Variants in PLD5 observed in about 807,000 individuals in gnomAD.
PLD5 encodes inactive phospholipase D5.
In PLD5, 36 loss-of-function variants were observed where a neutral mutation model predicts 61.1. That is an observed-to-expected ratio of 0.59 (90% CI 0.45 to 0.78). The LOEUF (loss-of-function observed/expected upper bound fraction) is 0.78, where lower values mean the gene tolerates loss of function less well. Among genes scored for constraint, PLD5 ranks in the 30% least tolerant of loss-of-function variants. The pLI, the probability that PLD5 is intolerant of heterozygous loss-of-function variation, is 0.00. For synonymous variants in PLD5, 243 were observed against 242.8 expected (o/e 1.00, Z -0.01); for missense variants, 515 against 644.4 (o/e 0.80, Z 2.17).
At chr1:242,226,362 C>T (rs560135147) in intron 4 of PLD5, among the ~76,000 whole-genome samples, 2 of 152,298 alleles carry the variant, frequency 1.3e-5, no homozygotes, top group Admixed American at 1.3e-4. Context: ...GTCCAGATCT[C>T]TGCAGATCCT....
At position 242,400,616 on chromosome 1, in the gene PLD5, A is replaced by G. The variant is rs374225172; in HGVS notation, c.190-52374T>C. Among the ~76,000 whole-genome samples, 10 of 152,226 alleles carry G rather than the reference A, an allele frequency of 6.6e-5. No individual in the cohort carries two copies. In the East Asian group the frequency reaches 1.7e-3, roughly 27 times the overall value. On this transcript the variant is annotated intron_variant, in intron 1 of 9. Coordinates refer to ENST00000536534, the MANE Select transcript of PLD5 (RefSeq NM_001372062.1). ...ATCCCATACATTGAAAGCTATTATCATTACTATTTTCCAGATAAGGAGCTT... is the reference window on the plus strand; with the variant it reads ...ATCCCATACATTGAAAGCTATTATCGTTACTATTTTCCAGATAAGGAGCTT...
intron 1 of PLD5, among the ~76,000 whole-genome samples, chr1:242,372,163 C>T (rs1661673916): frequency 6.6e-6 from 1 of 151,818 alleles, no homozygotes; most frequent in Non-Finnish European, 1.5e-5. Context: ...CCTAAATTTC[C>T]CTTCTCTTCA....
At chr1:242,504,624 G>A (rs1215746816) in intron 1 of PLD5, among the ~76,000 whole-genome samples, 1 of 151,996 alleles carries the variant, frequency 6.6e-6, no homozygotes, top group African/African-American at 2.4e-5. Flanking sequence ...GTCTCCCCCA[G>A]AAGAAACTTA....
At chr1:242,213,344 G>T (rs1408239260) in intron 5 of PLD5, among the ~76,000 whole-genome samples, 1 of 152,110 alleles carries the variant, frequency 6.6e-6, no homozygotes, top group African/African-American at 2.4e-5. Flanking sequence ...TTTCCTGATT[G>T]TAAGGTTATT....
chr1:242,391,056 G>A (rs902856070), intron 1 of PLD5, among the ~76,000 whole-genome samples: 11 of 152,124 alleles, frequency 7.2e-5, no homozygotes, highest in Non-Finnish European at 1.5e-4. Context: ...TTAGCCAGGT[G>A]TGGTGGCGGG....
chr1:242,399,161 C>G (rs1663777861), intron 1 of PLD5, among the ~76,000 whole-genome samples: 1 of 152,244 alleles, frequency 6.6e-6, no homozygotes, highest in African/African-American at 2.4e-5. Context: ...ACTGTGCACA[C>G]TATTTATTTG....
intron 1 of PLD5, among the ~76,000 whole-genome samples, chr1:242,423,621 T>C (rs906928392): frequency 2.0e-5 from 3 of 152,022 alleles, no homozygotes; most frequent in Non-Finnish European, 2.9e-5. Flanking sequence ...GGGCAACATA[T>C]TGAGACCCCG....
intron 1 of PLD5, among the ~76,000 whole-genome samples, chr1:242,348,978 T>A (rs978744251): frequency 6.6e-6 from 1 of 152,128 alleles, no homozygotes; most frequent in Non-Finnish European, 1.5e-5. Context: ...GGCTTGAACC[T>A]GGGAGGCGGA....
intron 1 of PLD5, among the ~76,000 whole-genome samples, chr1:242,431,061 C>T (rs1033020423): frequency 3.3e-5 from 5 of 152,252 alleles, no homozygotes; most frequent in Admixed American, 1.3e-4. Context: ...GGTGAAAAAT[C>T]GTGGTGAAAT....
intron 1 of PLD5, among the ~76,000 whole-genome samples, chr1:242,397,542 G>C (rs1663663786): frequency 6.6e-6 from 1 of 151,822 alleles, no homozygotes; most frequent in Admixed American, 6.6e-5. Context: ...ATCTCCATAA[G>C]GCTCAACGCA....
At chr1:242,152,357 AT>A (rs1038614529) in intron 5 of PLD5, among the ~76,000 whole-genome samples, 5 of 151,526 alleles carry the variant, frequency 3.3e-5, no homozygotes, top group East Asian at 1.9e-4. Context: ...TAATGTCCCT[AT>A]TTTTTTTCTT....
chr1:242,219,356 T>C (rs1258768509), intron 5 of PLD5, among the ~76,000 whole-genome samples: 1 of 151,976 alleles, frequency 6.6e-6, no homozygotes, highest in Non-Finnish European at 1.5e-5. Flanking sequence ...GAGGGGAGTA[T>C]GCTGGAGTGT....
rs1660327362 is a variant in PLD5 at position 242,349,097 on chromosome 1, T to C, written c.190-855A>G. Among the ~76,000 whole-genome samples the C allele has an allele frequency of 1.3e-5, 2 of 152,012 alleles. 1 individual carries two copies. Among genetic ancestry groups the C allele is most frequent in the South Asian group, 4.2e-4 (2 of 4,816 alleles). ...AAAACATCAGTCAATACATGTAAAA[T>C]GTACATTTGTTCAGTCCTGAAAGGC... On this transcript the variant is annotated intron_variant, in intron 1 of 9. Coordinates refer to ENST00000536534, the MANE Select transcript of PLD5 (RefSeq NM_001372062.1).
At chr1:242,195,449 C>T (rs988836956) in intron 5 of PLD5, among the ~76,000 whole-genome samples, 1 of 152,224 alleles carries the variant, frequency 6.6e-6, no homozygotes, top group Non-Finnish European at 1.5e-5. Context: ...ATGAAACATT[C>T]TTCTCTTTAA....
chr1:242,290,943 A>G (rs1467974150), intron 2 of PLD5, among the ~76,000 whole-genome samples: 1 of 152,082 alleles, frequency 6.6e-6, no homozygotes, highest in Non-Finnish European at 1.5e-5. Context: ...GAAACTTCCT[A>G]TGGACCTCCC....
chr1:242,275,269 T>A (rs548044450), intron 3 of PLD5, among the ~76,000 whole-genome samples: 1 of 152,170 alleles, frequency 6.6e-6, no homozygotes, highest in South Asian at 2.1e-4. Flanking sequence ...TATGAATATA[T>A]ATTCATATTC....
intron 1 of PLD5, among the ~76,000 whole-genome samples, chr1:242,436,205 T>C (rs1665990159): frequency 6.6e-6 from 1 of 152,178 alleles, no homozygotes; most frequent in African/African-American, 2.4e-5. Context: ...TCTATGCTTC[T>C]CCATTTCCAA....
chr1:242,434,609 TTTTA>T (rs906002642), intron 1 of PLD5, among the ~76,000 whole-genome samples: 13 of 152,170 alleles, frequency 8.5e-5, no homozygotes, highest in African/African-American at 9.6e-5. Context: ...CCTTGTTTTA[TTTTA>T]TTTATTTATT....
intron 2 of PLD5, among the ~76,000 whole-genome samples, chr1:242,325,648 A>G (rs2149193975): frequency 6.6e-6 from 1 of 152,176 alleles, no homozygotes; most frequent in South Asian, 2.1e-4. Context: ...GCTGGCAAGC[A>G]TGGACTCTGG....
Sources: gnomAD v4.1 joint callset for allele counts (sites outside exome capture counted in the v4.1 genomes callset) on GRCh38, gnomAD v4.1.1 for gene constraint, MANE v1.5 for transcripts, NCBI Gene and HGNC (gene_info 2026-07-23, HGNC 2026-07-21) for gene names.